PRKX: variants seen among roughly 807,000 people sequenced by gnomAD.
PRKX encodes protein kinase cAMP-dependent X-linked catalytic subunit.
A neutral mutation model predicts 22.0 loss-of-function variants in PRKX; 12 were observed. The ratio of observed to expected loss-of-function variants is 0.54; its 90% confidence interval spans 0.35 to 0.88. The LOEUF is 0.88. Ranked by LOEUF, PRKX falls within the 40% of genes least tolerant of loss-of-function variation. The pLI is 0.01. For missense variants in PRKX, 217 were observed against 308.0 expected, an observed-to-expected ratio of 0.70 and a Z score of 2.21; for synonymous variants, 134 against 137.7, an observed-to-expected ratio of 0.97 and a Z score of 0.19.
chrX:3,657,996 GTT>G (rs1927515256), intron 2 of PRKX, among the ~76,000 whole-genome samples: 1 of 111,512 alleles, frequency 9.0e-6, no homozygotes, highest in Non-Finnish European at 1.9e-5. Flanking sequence ...TGGGATTTTT[GTT>G]TGTTTGTTTT....
intron 2 of PRKX, among the ~76,000 whole-genome samples, chrX:3,668,838 A>C (rs912323984): frequency 8.9e-6 from 1 of 112,507 alleles, no homozygotes; most frequent in African/African-American, 3.2e-5. Flanking sequence ...AAAAGGGAGA[A>C]AGGGACTCCA....
intron 3 of PRKX, among the ~76,000 whole-genome samples, chrX:3,650,610 G>C (rs1048903793): frequency 1.8e-5 from 2 of 109,679 alleles, no homozygotes; most frequent in Non-Finnish European, 3.8e-5. Flanking sequence ...CGGGCACGGT[G>C]GCTCACGCCT....
chrX:3,695,901 G>A (rs1264490095), intron 1 of PRKX, among the ~76,000 whole-genome samples: 1 of 111,517 alleles, frequency 9.0e-6, no homozygotes, highest in Admixed American at 9.6e-5. Context: ...CACTATCCTG[G>A]AGTGCCACCA....
chrX:3,697,668 C>G (rs1293363546), intron 1 of PRKX, among the ~76,000 whole-genome samples: 1 of 110,484 alleles, frequency 9.1e-6, no homozygotes, highest in African/African-American at 3.3e-5. Flanking sequence ...CGTCAGCCTC[C>G]TGAGTAGCTG....
chrX:3,607,522 C>G lies in PRKX; in HGVS notation c.*1447G>C, dbSNP rs926577067. 4.5e-5 allele frequency: 5 copies of G among 111,516 alleles called. No homozygotes were observed. Among genetic ancestry groups the G allele is most frequent in the African/African-American group, 1.6e-4 (5 of 30,537 alleles). 9.2% of individuals were successfully genotyped at this position (111,516 alleles called of 1,213,427 possible). ...CTAAAACATTTCCACATTTCACCAT[C>G]TGAACATCATTTTCCACTGAGTTAT... On this transcript the variant is annotated 3_prime_UTR_variant, in exon 9 of 9. Transcript: ENST00000262848.
At chrX:3,666,377 T>C (rs1448810347) in intron 2 of PRKX, among the ~76,000 whole-genome samples, 19 of 110,468 alleles carry the variant, frequency 1.7e-4, no homozygotes, top group Admixed American at 1.1e-3. Context: ...AGGATGGTCT[T>C]GATCTCCTGA....
chrX:3,635,178 C>G (rs1436187095), intron 4 of PRKX, among the ~76,000 whole-genome samples: 1 of 111,983 alleles, frequency 8.9e-6, no homozygotes, highest in South Asian at 3.7e-4. Context: ...CTGTAACACA[C>G]AGAAATGAAA....
chrX:3,711,614 T>TTGTA (rs1213922613), intron 1 of PRKX, among the ~76,000 whole-genome samples: 2 of 111,202 alleles, frequency 1.8e-5, no homozygotes, highest in Non-Finnish European at 3.8e-5. Context: ...CATTGTCGAG[T>TTGTA]TGTATTTCCA....
At chrX:3,672,906 T>A (rs1927875791) in intron 2 of PRKX, among the ~76,000 whole-genome samples, 1 of 111,004 alleles carries the variant, frequency 9.0e-6, no homozygotes, top group Non-Finnish European at 1.9e-5. Flanking sequence ...TAGTCTCAAC[T>A]AGTTGGGAGG....
chrX:3,660,752 C>T (rs567184842), intron 2 of PRKX, among the ~76,000 whole-genome samples: 10 of 111,717 alleles, frequency 9.0e-5, no homozygotes, highest in Admixed American at 2.9e-4. Flanking sequence ...ATGTAGAATA[C>T]GCAAGCCCTG....
In PRKX at chrX:3,607,053, C is replaced by G. The variant is rs965641831; in HGVS notation, c.*1916G>C. ...ATGAAATCCTGGATAATAAAACAGA[C>G]AACCTAAAAATAGGCATATGGACTC... is the stretch of plus-strand genomic sequence containing the variant. On this transcript the variant is annotated 3_prime_UTR_variant, in exon 9 of 9. Coordinates refer to ENST00000262848, the MANE Select transcript of PRKX (RefSeq NM_005044.5). 2 of 112,189 alleles carry G rather than the reference C, an allele frequency of 1.8e-5. No homozygotes were observed. The highest frequency in any genetic ancestry group is 3.8e-5 in the Non-Finnish European group (2 of 53,305). The allele number at this position is 112,189 out of a possible 1,213,427, so 9.2% of individuals were successfully genotyped here.
chrX:3,633,270 AC>A (rs1414910826), intron 4 of PRKX, among the ~76,000 whole-genome samples: 8 of 106,107 alleles, frequency 7.5e-5, no homozygotes, highest in Non-Finnish European at 1.4e-4. Context: ...AAAAAAAAAA[AC>A]AAAAAAAACG....
At chrX:3,709,133 G>A (rs751724024) in intron 1 of PRKX, among the ~76,000 whole-genome samples, 93 of 97,693 alleles carry the variant, frequency 9.5e-4, no homozygotes, top group African/African-American at 3.4e-3. Flanking sequence ...GGAGTGAGCC[G>A]AGATCGCACC....
At chrX:3,707,772 G>A (rs1161779755) in intron 1 of PRKX, among the ~76,000 whole-genome samples, 3 of 111,710 alleles carry the variant, frequency 2.7e-5, no homozygotes. Context: ...TGGCATTTGC[G>A]TGATGCACTT....
At chrX:3,699,177 C>T (rs927683480) in intron 1 of PRKX, among the ~76,000 whole-genome samples, 3 of 106,874 alleles carry the variant, frequency 2.8e-5, no homozygotes, top group Non-Finnish European at 3.8e-5. Context: ...GCTGGGACTA[C>T]AGGCGTGCAC....
intron 2 of PRKX, among the ~76,000 whole-genome samples, chrX:3,655,937 TATGGGTGTAG>T (rs779199737): frequency 9.1e-6 from 1 of 110,125 alleles, no homozygotes; most frequent in Admixed American, 9.6e-5. Flanking sequence ...GGTATTAATA[TATGGGTGTAG>T]ATGGATGTAG....
chrX:3,705,147 T>C (rs191203874), intron 1 of PRKX, among the ~76,000 whole-genome samples: 589 of 111,669 alleles, frequency 5.3e-3, no homozygotes, highest in Non-Finnish European at 9.5e-3. Context: ...CATTTACCGC[T>C]GTCAGTCCTG....
chrX:3,667,189 G>A (rs1038129363), intron 2 of PRKX: 5 of 111,459 alleles, frequency 4.5e-5, no homozygotes, highest in African/African-American at 1.6e-4. Flanking sequence ...TTCCATCCGC[G>A]AAGCTGATCT....
intron 1 of PRKX, among the ~76,000 whole-genome samples, chrX:3,696,451 T>C (rs1928444121): frequency 1.8e-5 from 2 of 112,040 alleles, no homozygotes; most frequent in Admixed American, 1.9e-4. Flanking sequence ...GCTCGCAACA[T>C]TTACATTAGC....
Sources: allele counts gnomAD v4.1 joint callset (sites outside exome capture counted in the v4.1 genomes callset), GRCh38; gene constraint gnomAD v4.1.1; transcripts MANE v1.5; gene names NCBI Gene and HGNC (gene_info 2026-07-23, HGNC 2026-07-21).